The following PDZD2 variants were observed in gnomAD, a reference collection of about 807,000 sequenced individuals.
PDZD2 encodes the protein PDZ domain containing 2.
A neutral mutation model predicts 220.7 loss-of-function variants in PDZD2; 90 were observed. The observed-to-expected ratio is 0.41, with a 90% CI of 0.34 to 0.49. The LOEUF (loss-of-function observed/expected upper bound fraction) is 0.49. PDZD2 is among the 20% of genes least tolerant of loss of function. PDZD2 has a pLI of 0.28. For synonymous variants in PDZD2, 1,375 were observed against 1,450.5 expected (o/e 0.95, Z 1.18); for missense variants, 3,174 against 3,608.5 (o/e 0.88, Z 3.08).
At chr5:31,781,190 G>A (rs966352737) in intron 1 of PDZD2, among the ~76,000 whole-genome samples, 2 of 152,240 alleles carry the variant, frequency 1.3e-5, no homozygotes, top group Non-Finnish European at 2.9e-5. Context: ...GAAGTGGGCA[G>A]ATCACTTGAG....
intron 7 of PDZD2, among the ~76,000 whole-genome samples, chr5:32,039,447 G>A (rs1755845958): frequency 6.6e-6 from 1 of 152,120 alleles, no homozygotes; most frequent in Non-Finnish European, 1.5e-5. Context: ...CGTAATCTCA[G>A]CTCGCTACAA....
At chr5:31,939,621 T>C (rs905479426) in intron 2 of PDZD2, among the ~76,000 whole-genome samples, 1 of 152,194 alleles carries the variant, frequency 6.6e-6, no homozygotes, top group Non-Finnish European at 1.5e-5. Flanking sequence ...TTTTTGCTTC[T>C]GAGCCATGCA....
intron 6 of PDZD2, among the ~76,000 whole-genome samples, chr5:32,011,344 A>G (rs1049409738): frequency 6.6e-6 from 1 of 151,246 alleles, no homozygotes; most frequent in South Asian, 2.1e-4. Context: ...CAAAAAAAAA[A>G]AAAAATTAGC....
chr5:31,861,908 A>T (rs1216041675), intron 2 of PDZD2, among the ~76,000 whole-genome samples: 1 of 149,120 alleles, frequency 6.7e-6, no homozygotes, highest in Non-Finnish European at 1.5e-5. Context: ...GCAATGATGT[A>T]CTCTATTTTT....
intron 1 of PDZD2, among the ~76,000 whole-genome samples, chr5:31,786,547 A>G (rs941598738): frequency 6.6e-6 from 1 of 152,190 alleles, no homozygotes; most frequent in African/African-American, 2.4e-5. Context: ...GCAGATACTC[A>G]AAGTCTGATA....
At chr5:31,681,866 T>A (rs972335815) in intron 1 of PDZD2, among the ~76,000 whole-genome samples, 3 of 152,132 alleles carry the variant, frequency 2.0e-5, no homozygotes, top group Admixed American at 6.5e-5. Context: ...CTTGAGCTAG[T>A]TTCTCCTAAG....
intron 1 of PDZD2, among the ~76,000 whole-genome samples, chr5:31,685,095 A>G (rs1746800067): frequency 6.6e-6 from 1 of 151,940 alleles, no homozygotes. Flanking sequence ...CCATTACTAA[A>G]TTCCTTTCAT....
At chr5:31,788,683 T>TAAATAAATAAATA (rs57606138) in intron 1 of PDZD2, among the ~76,000 whole-genome samples, 2 of 150,954 alleles carry the variant, frequency 1.3e-5, no homozygotes, top group East Asian at 2.0e-4. Flanking sequence ...ATAAATAAAT[T>TAAATAAATAAATA]AAATAAATAA....
At chr5:31,772,530 G>C (rs1419946538) in intron 1 of PDZD2, among the ~76,000 whole-genome samples, 4 of 152,122 alleles carry the variant, frequency 2.6e-5, no homozygotes, top group Non-Finnish European at 1.5e-5. Context: ...AAAATTCTTT[G>C]AGTGCTAGTT....
intron 1 of PDZD2, among the ~76,000 whole-genome samples, chr5:31,744,636 T>C (rs1174473148): frequency 6.6e-6 from 1 of 152,208 alleles, no homozygotes; most frequent in African/African-American, 2.4e-5. Context: ...AATCTCACTG[T>C]AAAAACACTG....
At chr5:31,768,510 C>T (rs1176625389) in intron 1 of PDZD2, among the ~76,000 whole-genome samples, 1 of 152,084 alleles carries the variant, frequency 6.6e-6, no homozygotes, top group East Asian at 1.9e-4. Flanking sequence ...GGCATGGTGG[C>T]ACGTACCTGT....
chr5:31,656,606 C>T (rs13360101), intron 1 of PDZD2, among the ~76,000 whole-genome samples: 14,914 of 152,200 alleles, frequency 0.098, 1,283 homozygotes, highest in African/African-American at 0.23. Context: ...TTGGCATCGT[C>T]CCCTCTGGTT....
intron 2 of PDZD2, among the ~76,000 whole-genome samples, chr5:31,912,391 A>C (rs1278980941): frequency 6.6e-6 from 1 of 152,058 alleles, no homozygotes; most frequent in South Asian, 2.1e-4. Flanking sequence ...TCCTAATATC[A>C]TACCTTGGAG....
intron 2 of PDZD2, among the ~76,000 whole-genome samples, chr5:31,955,558 T>C (rs1157422970): frequency 6.6e-6 from 1 of 152,096 alleles, no homozygotes; most frequent in African/African-American, 2.4e-5. Context: ...CACCTCGGCC[T>C]CCCAAAGTGC....
chr5:31,939,152 C>T (rs1250656507), intron 2 of PDZD2, among the ~76,000 whole-genome samples: 1 of 152,120 alleles, frequency 6.6e-6, no homozygotes, highest in Non-Finnish European at 1.5e-5. Context: ...CAAGATGGCG[C>T]CTGTACGCTT....
chr5:31,869,762 G>A lies in PDZD2; in HGVS notation c.476+70038G>A, dbSNP rs549426873. Among the ~76,000 whole-genome samples, 3 of 152,198 alleles carry A rather than the reference G, an allele frequency of 2.0e-5. No homozygotes were observed. The East Asian group carries it at 5.8e-4, about 29-fold the overall frequency. ...TCTCCGTCTCTTACAGCCCTCTCTG[G>A]CTCTTATTGCTATTGGCAGTGCCTT... On this transcript the variant is annotated intron_variant, in intron 2 of 24. Transcript: ENST00000438447.
intron 2 of PDZD2, among the ~76,000 whole-genome samples, chr5:31,938,904 C>G (rs1205665768): frequency 6.6e-6 from 1 of 152,152 alleles, no homozygotes; most frequent in Non-Finnish European, 1.5e-5. Context: ...AAACTTCAGG[C>G]CTCGGTATGG....
intron 20 of PDZD2, among the ~76,000 whole-genome samples, 153 bp downstream of exon 20, chr5:32,091,328 A>G (rs1300292387): frequency 8.4e-6 from 1 of 119,156 alleles, no homozygotes; most frequent in African/African-American, 3.4e-5. Flanking sequence ...TCTGTCGCCC[A>G]GGCTGGAGTG....
Position 32,101,434 on chromosome 5 carries a change from C to T in PDZD2, c.8353+195C>T, listed in dbSNP as rs773107644. On this transcript the variant is annotated intron_variant, in intron 24 of 24. Transcript: ENST00000438447. ...CGTGGCAACTCTATTGGGTGGGTGT[C>T]ATCATTATCCCTATTTTACAAAAGG... Among the ~76,000 whole-genome samples, 4 of 152,210 alleles carry T rather than the reference C, an allele frequency of 2.6e-5. No individual in the cohort carries two copies. The East Asian group carries it at 7.7e-4, about 29-fold the overall frequency.
Sources: gnomAD v4.1 joint callset for allele counts (sites outside exome capture counted in the v4.1 genomes callset) on GRCh38, gnomAD v4.1.1 for gene constraint, MANE v1.5 for transcripts, NCBI Gene and HGNC (gene_info 2026-07-23, HGNC 2026-07-21) for gene names.